The following GABBR2 variants were observed in gnomAD, a reference collection of about 807,000 sequenced individuals.
GABBR2 encodes the protein G-protein coupled receptor 51.
A neutral mutation model predicts 105.6 loss-of-function variants in GABBR2; 23 were observed. The ratio of observed to expected loss-of-function variants is 0.22; its 90% CI spans 0.16 to 0.31. GABBR2 has a LOEUF of 0.31. Ranked by LOEUF, GABBR2 falls within the 10% of genes least tolerant of loss-of-function variation. The probability of loss-of-function intolerance (pLI) is 1.00; values close to 1 mark genes in which losing one functional copy is unlikely to be tolerated. For synonymous variants in GABBR2, 478 were observed against 499.7 expected (o/e 0.96, Z 0.58); for missense variants, 734 against 1,245.5 (o/e 0.59, Z 6.18).
chr9:98,561,119 C>T (rs553894652), intron 2 of GABBR2, among the ~76,000 whole-genome samples: 1 of 152,128 alleles, frequency 6.6e-6, no homozygotes, highest in East Asian at 1.9e-4. Context: ...TTGATTACAA[C>T]AGGCCTAGGT....
chr9:98,686,735 G>A (rs568382209), intron 1 of GABBR2, among the ~76,000 whole-genome samples: 37 of 152,160 alleles, frequency 2.4e-4, no homozygotes, highest in African/African-American at 7.9e-4. Context: ...GTCTGGCTCC[G>A]GTTTTCTTTA....
At chr9:98,317,665 A>G (rs1830742002) in intron 13 of GABBR2, among the ~76,000 whole-genome samples, 3 of 152,216 alleles carry the variant, frequency 2.0e-5, no homozygotes, top group Admixed American at 2.0e-4. Context: ...TTTGTCCTAC[A>G]TTCATTCATT....
At chr9:98,300,410 G>T (rs1339985399) in intron 16 of GABBR2, among the ~76,000 whole-genome samples, 2 of 152,132 alleles carry the variant, frequency 1.3e-5, no homozygotes, top group Non-Finnish European at 2.9e-5. Flanking sequence ...CTCCCAAAGC[G>T]TTGGGATTAC....
At chr9:98,292,702 C>T (rs934938040) in intron 18 of GABBR2, among the ~76,000 whole-genome samples, 27 of 152,238 alleles carry the variant, frequency 1.8e-4, no homozygotes, top group African/African-American at 6.3e-4. Flanking sequence ...AAAAGGGTGT[C>T]CTGTCCAAGC....
intron 4 of GABBR2, among the ~76,000 whole-genome samples, chr9:98,485,139 T>C (rs1827016850): frequency 6.6e-6 from 1 of 152,106 alleles, no homozygotes; most frequent in Non-Finnish European, 1.5e-5. Flanking sequence ...GCAGGGAGCT[T>C]CCTGGAGTGA....
At position 98,475,547 on chromosome 9, in the gene GABBR2, A is replaced by G. The variant is rs537655186; in HGVS notation, c.799-2201T>C. On this transcript the variant is annotated intron_variant, in intron 5 of 18. Transcript: ENST00000259455. ...CCATTATGTGTGTTGCTATTTTTAT[A>G]TATTATTTTATTCTCACAACTACCC... Among the ~76,000 whole-genome samples the G allele has an allele frequency of 1.1e-4, 16 of 152,272 alleles. No individual in the cohort carries two copies. In the South Asian group the frequency reaches 3.3e-3, roughly 32 times the overall value.
At chr9:98,537,063 C>T (rs7873040) in intron 3 of GABBR2, among the ~76,000 whole-genome samples, 3,107 of 152,274 alleles carry the variant, frequency 0.02, 92 homozygotes, top group African/African-American at 0.071. Context: ...GAGTTCTCAA[C>T]GCTGGCGACA....
chr9:98,655,807 A>C (rs1461288652), intron 1 of GABBR2, among the ~76,000 whole-genome samples: 3 of 152,134 alleles, frequency 2.0e-5, no homozygotes, highest in Non-Finnish European at 4.4e-5. Flanking sequence ...GGACACAGGG[A>C]GGGGAACATC....
chr9:98,369,676 G>C (rs1359567932), intron 12 of GABBR2, among the ~76,000 whole-genome samples: 1 of 152,178 alleles, frequency 6.6e-6, no homozygotes, highest in African/African-American at 2.4e-5. Flanking sequence ...GCAAAATGCA[G>C]GCTTGGATGA....
chr9:98,703,332 T>C lies in GABBR2; in HGVS notation c.321+5085A>G, dbSNP rs568820818. ...AGCACACCTTAGGTTTTTTCAGTTA[T>C]ATGAACCTGTTAAAGTTGGCTTTCT... On this transcript the variant is annotated intron_variant, in intron 1 of 18. Transcript: ENST00000259455. Among the ~76,000 whole-genome samples the C allele has an allele frequency of 2.0e-4, 30 of 152,346 alleles. No individual in the cohort carries two copies. In the South Asian group the frequency reaches 6.2e-3, roughly 32 times the overall value.
At chr9:98,613,446 A>AG (rs1261792866) in intron 1 of GABBR2, among the ~76,000 whole-genome samples, 3 of 33,956 alleles carry the variant, frequency 8.8e-5, no homozygotes, top group Non-Finnish European at 1.2e-4. Flanking sequence ...TCTCAGGGGA[A>AG]GAAAAAAAAA....
At chr9:98,570,426 CA>C (rs1371840984) in intron 2 of GABBR2, among the ~76,000 whole-genome samples, 1 of 152,218 alleles carries the variant, frequency 6.6e-6, no homozygotes, top group Non-Finnish European at 1.5e-5. Flanking sequence ...ACTTTATTTT[CA>C]TCAGCAAGAT....
intron 7 of GABBR2, among the ~76,000 whole-genome samples, chr9:98,439,867 C>T (rs577855298): frequency 2.6e-4 from 39 of 152,174 alleles, no homozygotes; most frequent in Non-Finnish European, 5.0e-4. Context: ...AGGCACTCAA[C>T]ATGTATAAAC....
chr9:98,506,793 C>G (rs1038240368), intron 3 of GABBR2, among the ~76,000 whole-genome samples: 5 of 152,200 alleles, frequency 3.3e-5, no homozygotes, highest in African/African-American at 1.2e-4. Flanking sequence ...CAGCTCCTAC[C>G]TGCTGGGAGT....
At chr9:98,416,640 C>G (rs572012175) in intron 7 of GABBR2, among the ~76,000 whole-genome samples, 2 of 152,242 alleles carry the variant, frequency 1.3e-5, no homozygotes, top group South Asian at 4.1e-4. Flanking sequence ...CATCAGACAT[C>G]GGGCAGACAT....
At chr9:98,453,627 G>A (rs1826273552) in intron 7 of GABBR2, among the ~76,000 whole-genome samples, 1 of 152,222 alleles carries the variant, frequency 6.6e-6, no homozygotes, top group Non-Finnish European at 1.5e-5. Context: ...GCAGCTTGAA[G>A]CCAGGTACTG....
chr9:98,489,759 A>G (rs1218800990), intron 4 of GABBR2, among the ~76,000 whole-genome samples: 3 of 152,030 alleles, frequency 2.0e-5, no homozygotes, highest in African/African-American at 7.2e-5. Context: ...GAAGACACCA[A>G]GGCAGGGACG....
rs561387704 is a variant in GABBR2, at chr9:98,423,006, T to C, written c.1237-16865A>G. ...TGTGCCACATTTGCTTAACCCAGTC[T>C]ATCATTGTTGGACATTTGGGTTGGT... On this transcript the variant is annotated intron_variant, in intron 7 of 18. Transcript: ENST00000259455. 2.4e-4 allele frequency among the ~76,000 whole-genome samples: 37 copies of C among 152,336 alleles called. No homozygotes were observed. In the East Asian group the frequency reaches 6.9e-3, roughly 29 times the overall value.
intron 5 of GABBR2, among the ~76,000 whole-genome samples, chr9:98,479,986 T>G (rs1056009237): frequency 1.3e-5 from 2 of 152,226 alleles, no homozygotes; most frequent in African/African-American, 4.8e-5. Flanking sequence ...CATTCCAACC[T>G]GTTAAAGTTC....
Sources: gnomAD v4.1 joint callset for allele counts (sites outside exome capture counted in the v4.1 genomes callset) on GRCh38, gnomAD v4.1.1 for gene constraint, MANE v1.5 for transcripts, NCBI Gene and HGNC (gene_info 2026-07-23, HGNC 2026-07-21) for gene names.